ATP6V1H: variants seen among roughly 807,000 people sequenced by gnomAD.
ATP6V1H encodes ATPase H+ transporting V1 subunit H, also known as V-type proton ATPase subunit H.
Under a neutral mutation model 71.7 loss-of-function variants are expected in ATP6V1H, and 39 were observed. The ratio of observed to expected loss-of-function variants is 0.54; its 90% CI spans 0.42 to 0.71. ATP6V1H has a LOEUF of 0.71. Ranked by LOEUF, ATP6V1H falls within the 30% of genes least tolerant of loss-of-function variation. The pLI, the probability that ATP6V1H is intolerant of heterozygous loss-of-function variation, is 0.00. For missense variants in ATP6V1H, 509 were observed against 594.9 expected (o/e 0.86, Z 1.50); for synonymous variants, 192 against 199.3 (o/e 0.96, Z 0.31).
intron 12 of ATP6V1H, among the ~76,000 whole-genome samples, chr8:53,755,710 A>T (rs1808003882): frequency 2.9e-4 from 3 of 10,420 alleles, no homozygotes; most frequent in African/African-American, 7.1e-4. Context: ...ATATATATAT[A>T]TATATATATA....
At chr8:53,774,165 A>C (rs1395373322) in intron 9 of ATP6V1H, among the ~76,000 whole-genome samples, 1 of 152,268 alleles carries the variant, frequency 6.6e-6, no homozygotes, top group Non-Finnish European at 1.5e-5. Flanking sequence ...ATTTTCAGAC[A>C]CAAGATGTCC....
At chr8:53,800,162 G>A (rs996737585) in intron 8 of ATP6V1H, among the ~76,000 whole-genome samples, 6 of 152,164 alleles carry the variant, frequency 3.9e-5, no homozygotes, top group Non-Finnish European at 7.3e-5. Context: ...TACCCTGTGC[G>A]ACCCCTCTGG....
At chr8:53,724,442 A>T (rs1806734009) in intron 13 of ATP6V1H, among the ~76,000 whole-genome samples, 1 of 152,134 alleles carries the variant, frequency 6.6e-6, no homozygotes, top group Non-Finnish European at 1.5e-5. Flanking sequence ...ATAGCCTATC[A>T]GAGGAAAGAT....
intron 7 of ATP6V1H, among the ~76,000 whole-genome samples, chr8:53,809,959 G>C (rs1420382303): frequency 6.6e-6 from 1 of 152,050 alleles, no homozygotes; most frequent in African/African-American, 2.4e-5. Context: ...CCTAACATAT[G>C]AGTCATCAAA....
At chr8:53,799,611 C>T (rs1809846440) in intron 8 of ATP6V1H, among the ~76,000 whole-genome samples, 1 of 152,158 alleles carries the variant, frequency 6.6e-6, no homozygotes, top group African/African-American at 2.4e-5. Context: ...TTTGTACAAA[C>T]ATGTGGCTTA....
intron 13 of ATP6V1H, among the ~76,000 whole-genome samples, chr8:53,732,333 T>C (rs905229838): frequency 1.3e-5 from 2 of 151,748 alleles, no homozygotes; most frequent in Non-Finnish European, 2.9e-5. Flanking sequence ...TACAAAAAAA[T>C]AAGAAAAAAG....
rs554993191 is a variant in ATP6V1H at position 53,823,635 on chromosome 8, C to A, written c.306+5809G>T. The stretch of plus-strand genomic sequence containing the variant: ...GGGATTATAGGCATGCGCCACCACA[C>A]CTGGCTAATTTTTTATTTTCAGTTG... On this transcript the variant is annotated intron_variant, in intron 4 of 13. Transcript: ENST00000359530. 3.3e-5 allele frequency among the ~76,000 whole-genome samples: 5 copies of A among 152,268 alleles called. No homozygotes were observed. The South Asian group carries it at 8.3e-4, about 25-fold the overall frequency.
intron 9 of ATP6V1H, among the ~76,000 whole-genome samples, chr8:53,793,992 C>T (rs1344054056): frequency 6.6e-6 from 1 of 152,052 alleles, no homozygotes; most frequent in Non-Finnish European, 1.5e-5. Context: ...AGTTCCATCT[C>T]CAGAACTAAA....
intron 4 of ATP6V1H, among the ~76,000 whole-genome samples, chr8:53,819,641 T>C (rs1447549440): frequency 1.0e-5 from 1 of 96,430 alleles, no homozygotes; most frequent in Non-Finnish European, 1.8e-5. Flanking sequence ...TATATACAAA[T>C]GTATATATGT....
At chr8:53,805,071 T>C (rs992644475) in intron 7 of ATP6V1H, among the ~76,000 whole-genome samples, 6 of 152,196 alleles carry the variant, frequency 3.9e-5, no homozygotes, top group African/African-American at 1.4e-4. Context: ...AAAACATCAA[T>C]GATACTGTAT....
chr8:53,834,172 C>A (rs1267813992), intron 2 of ATP6V1H, among the ~76,000 whole-genome samples: 1 of 152,074 alleles, frequency 6.6e-6, no homozygotes, highest in Non-Finnish European at 1.5e-5. Context: ...GAATTTGAGT[C>A]AATATGGGGA....
At chr8:53,738,667 G>C (rs1807312521) in intron 13 of ATP6V1H, among the ~76,000 whole-genome samples, 1 of 152,102 alleles carries the variant, frequency 6.6e-6, no homozygotes, top group African/African-American at 2.4e-5. Flanking sequence ...TCCATCAGGG[G>C]TTTTCTTTAC....
intron 13 of ATP6V1H, among the ~76,000 whole-genome samples, chr8:53,724,284 T>C (rs918028540): frequency 6.6e-6 from 1 of 152,170 alleles, no homozygotes; most frequent in African/African-American, 2.4e-5. Flanking sequence ...CCCCAAAACC[T>C]AAGAATTAAA....
At chr8:53,746,993 G>A (rs1429411176) in intron 12 of ATP6V1H, among the ~76,000 whole-genome samples, 1 of 152,224 alleles carries the variant, frequency 6.6e-6, no homozygotes, top group Non-Finnish European at 1.5e-5. Flanking sequence ...AACAAGTTCA[G>A]CACTGGTACA....
chr8:53,739,440 G>A (rs1343468416), intron 13 of ATP6V1H: 1 of 152,050 alleles, frequency 6.6e-6, no homozygotes, highest in East Asian at 1.9e-4. Flanking sequence ...ATTTACCTAA[G>A]CATAAAAAAT....
rs1472727981 is a variant in ATP6V1H, at chr8:53,771,990, T to G, written c.1048A>C (p.Ser350Arg). 1.2e-6 allele frequency: 2 copies of G among 1,612,146 alleles called. No individual in the cohort carries two copies. The highest frequency in any genetic ancestry group is 1.7e-6 in the Non-Finnish European group (2 of 1,178,928). The part of the protein sequence containing the change: ...EKLGESVQDL[S>R]SFDEYSSELK... Reference sequence around the variant, plus strand: ...TGAGAATTAAAAAGAATAACACACCTAAGGTCCTGGACACTCTCTCCAAGT... The same window carrying G: ...TGAGAATTAAAAAGAATAACACACCGAAGGTCCTGGACACTCTCTCCAAGT... Residue 350 changes from serine (S) to arginine (R), a missense_variant and splice_region_variant, in exon 10 of 14, where the codon AGT becomes CGT. By Grantham distance (110) the Ser-to-Arg change is moderately radical. Around this residue, in one of 2 missense-constraint regions of ATP6V1H, gnomAD observed 212 missense variants for 291.6 expected, o/e 0.73. Transcript: ENST00000359530.
chr8:53,811,633 A>C (rs1810277166), intron 6 of ATP6V1H, among the ~76,000 whole-genome samples: 1 of 152,234 alleles, frequency 6.6e-6, no homozygotes. Context: ...AGGAAGGTAC[A>C]ATATGTGACT....
intron 11 of ATP6V1H, 93 bp downstream of exon 11, chr8:53,769,525 T>G: frequency 7.8e-7 from 1 of 1,276,532 alleles, no homozygotes; most frequent in Non-Finnish European, 1.1e-6. Flanking sequence ...ATTAAAACCA[T>G]AGAATATCTA....
At chr8:53,735,837 C>T (rs1807183493) in intron 13 of ATP6V1H, among the ~76,000 whole-genome samples, 2 of 152,218 alleles carry the variant, frequency 1.3e-5, no homozygotes, top group African/African-American at 4.8e-5. Context: ...ATCTTGTCCA[C>T]TCCCACTGCT....
Sources: allele counts gnomAD v4.1 joint callset (sites outside exome capture counted in the v4.1 genomes callset), GRCh38; gene constraint gnomAD v4.1.1; regional missense constraint gnomAD v4.1.1; transcripts MANE v1.5; gene names NCBI Gene and HGNC (gene_info 2026-07-23, HGNC 2026-07-21).